ZNF783: variants seen among roughly 807,000 people sequenced by gnomAD.
ZNF783 encodes protein ZNF783.
A neutral mutation model predicts 31.3 loss-of-function variants in ZNF783; 25 were observed. The observed-to-expected ratio is 0.80, with a 90% CI of 0.58 to 1.11. ZNF783 has a LOEUF of 1.11. Ranked by LOEUF, ZNF783 falls within the 50% of genes most tolerant of loss-of-function variation. The pLI is 0.00. For missense variants in ZNF783, 797 were observed against 760.0 expected, an observed-to-expected ratio of 1.05 and a Z score of -0.57; for synonymous variants, 369 against 319.1, an observed-to-expected ratio of 1.16 and a Z score of -1.66.
rs1563194116 is a variant in ZNF783 at position 149,266,420 on chromosome 7, ACT to A, written c.112_113del (p.Ser38HisfsTer109). On this transcript the variant is annotated frameshift_variant, in exon 2 of 6. Coordinates refer to ENST00000434415, the MANE Select transcript of ZNF783 (RefSeq NM_001195220.2). LOFTEE classifies it high-confidence loss of function. ...GCTGCTGAGAAGAACTCGTACCTCTACTCCACGGAAATCACACTGTGGACGGT... is the reference window on the plus strand; with the variant it reads ...GCTGCTGAGAAGAACTCGTACCTCTACCACGGAAATCACACTGTGGACGGT... 6.2e-7 allele frequency: 1 copy of A among 1,602,104 alleles called. No individual in the cohort carries two copies. Among genetic ancestry groups the A allele is most frequent in the Admixed American group, 1.7e-5 (1 of 59,910 alleles).
chr7:149,271,140 G>A (rs1034396053), intron 4 of ZNF783, among the ~76,000 whole-genome samples: 8 of 152,170 alleles, frequency 5.3e-5, no homozygotes, highest in Admixed American at 1.3e-4. Context: ...GGGTTTCACC[G>A]TGTTAGCCAA....
chr7:149,278,893 C>T lies in ZNF783; in HGVS notation c.802+366C>T, dbSNP rs769635319. On this transcript the variant is annotated intron_variant, in intron 5 of 5. Transcript: ENST00000434415. ...GGCAGTGTGTGTCCTGTGCCTAGCGCGGCGCCAGCATGGTGTTTCTCAGTA... is the reference window on the plus strand; with the variant it reads ...GGCAGTGTGTGTCCTGTGCCTAGCGTGGCGCCAGCATGGTGTTTCTCAGTA... 1.1e-4 allele frequency among the ~76,000 whole-genome samples: 16 copies of T among 152,188 alleles called. No individual in the cohort carries two copies. In the East Asian group the frequency reaches 1.4e-3, roughly 13 times the overall value.
At chr7:149,264,741 C>T (rs1371258500) in intron 1 of ZNF783, among the ~76,000 whole-genome samples, 1 of 151,698 alleles carries the variant, frequency 6.6e-6, no homozygotes, top group Non-Finnish European at 1.5e-5. Flanking sequence ...GGTGTGGTGG[C>T]GGGCGTCTGT....
At position 149,281,931 on chromosome 7, in the gene ZNF783, C is replaced by T. The variant is rs368715371; in HGVS notation, c.1229C>T (p.Pro410Leu). ...CCCGGCCCTGTCATCCGCTGGCTCC[C>T]CGAGGAGCCTGAGGGTCGCCGCTCC... The part of the protein sequence containing the change: ...VVPGPVIRWL[P>L]EEPEGRRSVA... The change falls in exon 6 of 6, where the codon CCC becomes CTC. Residue 410 changes from proline (P) to leucine (L), a missense_variant. Coordinates refer to ENST00000434415, the MANE Select transcript of ZNF783 (RefSeq NM_001195220.2). 2.6e-6 allele frequency: 4 copies of T among 1,541,800 alleles called. No homozygotes were observed. Among genetic ancestry groups the T allele is most frequent in the Non-Finnish European group, 3.5e-6 (4 of 1,148,738 alleles).
chr7:149,282,157 GCGCATCCACAC>G lies in ZNF783; in HGVS notation c.1458_1468del (p.Ile487Ter). On this transcript the variant is annotated frameshift_variant, in exon 6 of 6. Transcript: ENST00000434415. LOFTEE classifies it low-confidence loss of function (END_TRUNC). ...GGCCCTCGGACCTCTTCCGGCACCAGCGCATCCACACCGGTGAGCGGCCCTACCAGTGCCCC... is the reference window on the plus strand; with the variant it reads ...GGCCCTCGGACCTCTTCCGGCACCAGCGGTGAGCGGCCCTACCAGTGCCCC... The G allele has an allele frequency of 6.2e-7, 1 of 1,600,946 alleles. No individual in the cohort carries two copies. Among genetic ancestry groups the G allele is most frequent in the Non-Finnish European group, 8.5e-7 (1 of 1,179,522 alleles).
chr7:149,277,080 C>G (rs1370729581), intron 4 of ZNF783: 1 of 152,190 alleles, frequency 6.6e-6, no homozygotes, highest in African/African-American at 2.4e-5. Flanking sequence ...GATCTCCTGA[C>G]CTTGTGATCC....
chr7:149,277,982 A>G (rs2129525125), intron 4 of ZNF783: 2 of 226,250 alleles, frequency 8.8e-6, no homozygotes, highest in South Asian at 1.6e-4. Flanking sequence ...TCCTAACGCC[A>G]TATCTTCAGT....
Position 149,281,694 on chromosome 7 carries a change from C to A in ZNF783, c.992C>A (p.Pro331Gln). The change falls in exon 6 of 6, where the codon CCG becomes CAG. Residue 331 changes from proline (P) to glutamine (Q), a missense_variant. By Grantham distance (76) the Pro-to-Gln change is moderately conservative. Transcript: ENST00000434415. ...GTGCGGGCAGGGGAGCCACGGCCAC[C>A]GGGGGCCAGTGGGGAGACGCCCCGA... The part of the protein sequence containing the change: ...PRVRAGEPRP[P>Q]GASGETPRVL... The A allele has an allele frequency of 6.7e-7, 1 of 1,495,060 alleles. No individual in the cohort carries two copies. Among genetic ancestry groups the A allele is most frequent in the East Asian group, 2.4e-5 (1 of 41,952 alleles). The allele number at this position is 1,495,060 out of a possible 1,614,324, so 92.6% of individuals were successfully genotyped here.
intron 1 of ZNF783, among the ~76,000 whole-genome samples, chr7:149,263,304 G>GTGTGTATATA (rs1459712064): frequency 1.6e-5 from 1 of 64,320 alleles, no homozygotes; most frequent in Non-Finnish European, 3.0e-5. Context: ...GTGTGTGTGT[G>GTGTGTATATA]TATATATATA....
intron 4 of ZNF783, 200 bp from the exon 5 acceptor site, chr7:149,278,199 C>T (rs1797377761): frequency 7.3e-7 from 1 of 1,375,064 alleles, no homozygotes; most frequent in Non-Finnish European, 9.4e-7. Context: ...TCCTGTGCTG[C>T]AGTTTCCTTC....
Position 149,282,541 on chromosome 7 carries a change from C to A in ZNF783, c.*198C>A. 1.8e-6 allele frequency: 1 copy of A among 559,782 alleles called. No homozygotes were observed. Among genetic ancestry groups the A allele is most frequent in the Non-Finnish European group, 3.1e-6 (1 of 326,548 alleles). 34.7% of individuals were successfully genotyped at this position (559,782 alleles called of 1,614,324 possible). On this transcript the variant is annotated 3_prime_UTR_variant, in exon 6 of 6. Coordinates refer to ENST00000434415, the MANE Select transcript of ZNF783 (RefSeq NM_001195220.2). ...CACTCTTCGCTGCCTTTTCTGCATT[C>A]CTGACTTCTAAAAGATGCCTTAAGG...
chr7:149,262,809 A>G (rs1469540849), intron 1 of ZNF783, among the ~76,000 whole-genome samples: 1 of 152,222 alleles, frequency 6.6e-6, no homozygotes, highest in Non-Finnish European at 1.5e-5. Context: ...CGGGGCAGGG[A>G]TTTTGGAATT....
intron 4 of ZNF783, among the ~76,000 whole-genome samples, chr7:149,271,480 T>C (rs767155402): frequency 2.6e-5 from 4 of 152,260 alleles, no homozygotes; most frequent in Non-Finnish European, 4.4e-5. Context: ...GCAGGACTTA[T>C]GGGCAAAATA....
intron 4 of ZNF783, 55 bp downstream of exon 4, chr7:149,267,277 C>A: frequency 6.5e-7 from 1 of 1,530,264 alleles, no homozygotes; most frequent in Admixed American, 2.1e-5. Context: ...GCTGCACCAT[C>A]GCCTACCCTC....
At chr7:149,278,116 T>A (rs575041906) in intron 4 of ZNF783, 14 of 1,174,868 alleles carry the variant, frequency 1.2e-5, no homozygotes, top group South Asian at 2.0e-5. Context: ...GTGTTTCTCT[T>A]TCCTGCCTTA....
chr7:149,262,424 G>GT, intron 1 of ZNF783, 67 bp downstream of exon 1: 1 of 1,177,998 alleles, frequency 8.5e-7, no homozygotes, highest in Non-Finnish European at 1.1e-6. Flanking sequence ...CCGCGCGAGG[G>GT]ACTCTGGCCG....
intron 4 of ZNF783, among the ~76,000 whole-genome samples, chr7:149,268,251 A>G (rs1221228831): frequency 1.3e-5 from 2 of 152,096 alleles, no homozygotes; most frequent in South Asian, 2.1e-4. Flanking sequence ...ATCTAATACC[A>G]TCTAATACCT....
At chr7:149,271,468 A>G (rs1360250960) in intron 4 of ZNF783, among the ~76,000 whole-genome samples, 1 of 152,214 alleles carries the variant, frequency 6.6e-6, no homozygotes, top group Non-Finnish European at 1.5e-5. Context: ...TATACATTCT[A>G]TGCAGGACTT....
chr7:149,264,335 A>G (rs970286207), intron 1 of ZNF783, among the ~76,000 whole-genome samples: 3 of 152,208 alleles, frequency 2.0e-5, no homozygotes, highest in Non-Finnish European at 4.4e-5. Context: ...CTTAAAAACG[A>G]GAGAGACTCA....
Sources: gnomAD v4.1 joint callset for allele counts (sites outside exome capture counted in the v4.1 genomes callset) on GRCh38, gnomAD v4.1.1 for gene constraint, MANE v1.5 for transcripts, NCBI Gene and HGNC (gene_info 2026-07-23, HGNC 2026-07-21) for gene names.